The following FAM171A1 variants were observed in gnomAD, a reference collection of about 807,000 sequenced individuals.
FAM171A1 encodes the protein family with sequence similarity 171 member A1, also known as protein FAM171A1.
A neutral mutation model predicts 74.9 loss-of-function variants in FAM171A1; 23 were observed. That is an observed-to-expected ratio of 0.31 (90% confidence interval 0.22 to 0.44). The LOEUF is 0.44. Ranked by LOEUF, FAM171A1 falls within the 20% of genes least tolerant of loss-of-function variation. FAM171A1 has a pLI of 1.00. For missense variants in FAM171A1, 1,162 were observed against 1,159.2 expected (o/e 1.00, Z -0.03); for synonymous variants, 527 against 505.7 (o/e 1.04, Z -0.57).
intron 1 of FAM171A1, among the ~76,000 whole-genome samples, chr10:15,343,753 G>T (rs534984915): frequency 6.6e-5 from 10 of 152,222 alleles, no homozygotes; most frequent in South Asian, 4.1e-4. Context: ...CGTCCAGGAG[G>T]GGGGCTGGGA....
intron 5 of FAM171A1, chr10:15,241,378 A>T (rs1438328202): frequency 6.6e-6 from 1 of 152,006 alleles, no homozygotes; most frequent in Admixed American, 6.6e-5. Flanking sequence ...AAATTTTTTT[A>T]TTTTTTTCTG....
intron 4 of FAM171A1, 89 bp from the exon 5 acceptor site, chr10:15,248,904 C>G: frequency 8.1e-7 from 1 of 1,237,106 alleles, no homozygotes; most frequent in Admixed American, 2.5e-5. Flanking sequence ...TCGCAGCTAC[C>G]ATTACCTCCT....
intron 1 of FAM171A1, among the ~76,000 whole-genome samples, chr10:15,315,321 C>T (rs1400598375): frequency 6.6e-6 from 1 of 152,176 alleles, no homozygotes; most frequent in Non-Finnish European, 1.5e-5. Flanking sequence ...CTCCCATCTG[C>T]AAAACGGGTC....
At chr10:15,305,767 ATT>A (rs996927607) in intron 1 of FAM171A1, among the ~76,000 whole-genome samples, 3 of 151,290 alleles carry the variant, frequency 2.0e-5, no homozygotes, top group African/African-American at 7.3e-5. Context: ...GAAGTGGTTA[ATT>A]GTACATCCAA....
chr10:15,342,449 T>G (rs1835775499), intron 1 of FAM171A1, among the ~76,000 whole-genome samples: 1 of 152,130 alleles, frequency 6.6e-6, no homozygotes, highest in Non-Finnish European at 1.5e-5. Flanking sequence ...GCTCCTGTAG[T>G]CTCAGCTACT....
At chr10:15,240,778 C>T (rs1200523111) in intron 5 of FAM171A1, 3 of 979,608 alleles carry the variant, frequency 3.1e-6, no homozygotes, top group African/African-American at 1.8e-5. Flanking sequence ...GGCTCACAGT[C>T]GTTGTAATCC....
At chr10:15,252,788 G>C (rs894335772) in intron 4 of FAM171A1, among the ~76,000 whole-genome samples, 2 of 152,078 alleles carry the variant, frequency 1.3e-5, no homozygotes, top group African/African-American at 4.8e-5. Flanking sequence ...TCTTAAAATA[G>C]GACAAACTCC....
chr10:15,219,315 C>T (rs1834006515), intron 6 of FAM171A1, among the ~76,000 whole-genome samples: 1 of 151,996 alleles, frequency 6.6e-6, no homozygotes, highest in South Asian at 2.1e-4. Flanking sequence ...AACAACAAAA[C>T]CAAAACACAC....
intron 3 of FAM171A1, among the ~76,000 whole-genome samples, chr10:15,260,486 T>G (rs1469887250): frequency 6.6e-6 from 1 of 152,168 alleles, no homozygotes; most frequent in Non-Finnish European, 1.5e-5. Context: ...TGTTGTGATG[T>G]TGGTTCAGAA....
intron 1 of FAM171A1, among the ~76,000 whole-genome samples, chr10:15,332,308 T>A (rs911657029): frequency 1.3e-5 from 2 of 152,158 alleles, no homozygotes; most frequent in African/African-American, 4.8e-5. Context: ...TAAGCAACAT[T>A]AACCAAGAAG....
intron 7 of FAM171A1, among the ~76,000 whole-genome samples, chr10:15,215,193 C>T (rs1485827813): frequency 2.0e-5 from 3 of 152,144 alleles, no homozygotes; most frequent in Admixed American, 6.6e-5. Context: ...TAAAGAGTCT[C>T]AAACGTGACT....
At chr10:15,366,250 G>T (rs1421093025) in intron 1 of FAM171A1, among the ~76,000 whole-genome samples, 1 of 152,054 alleles carries the variant, frequency 6.6e-6, no homozygotes, top group Admixed American at 6.6e-5. Context: ...CTCCCGAGTA[G>T]CTGGGATTAC....
chr10:15,234,476 G>C (rs1411529237), intron 5 of FAM171A1, among the ~76,000 whole-genome samples: 1 of 152,114 alleles, frequency 6.6e-6, no homozygotes, highest in Non-Finnish European at 1.5e-5. Flanking sequence ...ACTGGCAGAG[G>C]CTACAGCAAG....
chr10:15,330,933 A>G (rs2883024), intron 1 of FAM171A1, among the ~76,000 whole-genome samples: 79,443 of 150,522 alleles, frequency 0.53, 21,052 homozygotes, highest in East Asian at 0.8. Context: ...TGCATTGCCC[A>G]GGCTGGAGTG....
intron 5 of FAM171A1, among the ~76,000 whole-genome samples, chr10:15,228,970 C>A (rs554787845): frequency 3.3e-5 from 5 of 152,314 alleles, no homozygotes; most frequent in African/African-American, 1.2e-4. Context: ...TACTTTACTT[C>A]TTGCAGCTAA....
intron 2 of FAM171A1, among the ~76,000 whole-genome samples, chr10:15,280,594 A>T (rs1212395037): frequency 6.6e-6 from 1 of 152,182 alleles, no homozygotes; most frequent in East Asian, 1.9e-4. Flanking sequence ...AAGTGAAAAA[A>T]ACCTCAACAC....
At chr10:15,274,571 T>C (rs2131798145) in intron 3 of FAM171A1, among the ~76,000 whole-genome samples, 1 of 152,332 alleles carries the variant, frequency 6.6e-6, no homozygotes, top group African/African-American at 2.4e-5. Context: ...AGAGCCTGCA[T>C]TGCCAAGACA....
intron 1 of FAM171A1, among the ~76,000 whole-genome samples, chr10:15,288,392 T>C (rs1014352528): frequency 2.4e-4 from 37 of 152,182 alleles, no homozygotes; most frequent in Non-Finnish European, 4.7e-4. Context: ...TGTGAGATTT[T>C]GGTGTACCCA....
intron 1 of FAM171A1, among the ~76,000 whole-genome samples, chr10:15,343,039 G>T (rs1320801133): frequency 6.6e-6 from 1 of 152,186 alleles, no homozygotes; most frequent in African/African-American, 2.4e-5. Flanking sequence ...TGGGTCCCCA[G>T]CCTGGCTGAA....
Sources: gnomAD v4.1 joint callset for allele counts (sites outside exome capture counted in the v4.1 genomes callset) on GRCh38, gnomAD v4.1.1 for gene constraint, MANE v1.5 for transcripts, NCBI Gene and HGNC (gene_info 2026-07-23, HGNC 2026-07-21) for gene names.